Variants in CLXN observed in about 807,000 individuals in gnomAD.
The protein encoded by CLXN is calaxin.
the CLXN span, among the ~76,000 whole-genome samples, chr8:48,723,249 A>G: frequency 2.0e-5 from 3 of 152,204 alleles, no homozygotes; most frequent in African/African-American, 7.2e-5. Flanking sequence ...CAAGTTGTAT[A>G]CCTTAAATAT....
At chr8:48,719,954 G>A in the CLXN span, among the ~76,000 whole-genome samples, 2 of 152,044 alleles carry the variant, frequency 1.3e-5, no homozygotes, top group East Asian at 3.8e-4. Flanking sequence ...CGGGAAGTCA[G>A]GGACCCCGAA....
chr8:48,725,570 G>A, the CLXN span, among the ~76,000 whole-genome samples: 2 of 152,256 alleles, frequency 1.3e-5, no homozygotes, highest in African/African-American at 2.4e-5. Context: ...TTAGGAAGCC[G>A]AGGCAAGCTG....
the CLXN span, chr8:48,711,646 C>T: frequency 6.6e-6 from 1 of 152,156 alleles, no homozygotes; most frequent in Non-Finnish European, 1.5e-5. Flanking sequence ...ACATAGCAAC[C>T]CAGCCTGCAG....
the CLXN span, chr8:48,711,309 A>G: frequency 6.6e-6 from 1 of 151,936 alleles, no homozygotes; most frequent in Non-Finnish European, 1.5e-5. Flanking sequence ...CTAGTTGAGG[A>G]GTCTGGCTTC....
At chr8:48,734,852 C>T in the CLXN span, among the ~76,000 whole-genome samples, 1 of 152,168 alleles carries the variant, frequency 6.6e-6, no homozygotes, top group Non-Finnish European at 1.5e-5. Context: ...CAAGTAAATG[C>T]ATGTGTGGGA....
At chr8:48,712,792 A>T in the CLXN span, among the ~76,000 whole-genome samples, 28 of 152,104 alleles carry the variant, frequency 1.8e-4, no homozygotes, top group African/African-American at 6.8e-4. Context: ...CAAGGTCAGG[A>T]GTTTGAGACC....
At chr8:48,716,799 G>A in the CLXN span, among the ~76,000 whole-genome samples, 4 of 151,942 alleles carry the variant, frequency 2.6e-5, no homozygotes, top group Admixed American at 6.6e-5. Context: ...AAAGAATGAC[G>A]AAATCCTACA....
At chr8:48,735,304 A>T in the CLXN span, 4 of 827,682 alleles carry the variant, frequency 4.8e-6, no homozygotes, top group Non-Finnish European at 7.6e-6. Context: ...GGTGTAGCCA[A>T]GGCAACGGCT....
chr8:48,712,690 A>G, the CLXN span, among the ~76,000 whole-genome samples: 1 of 152,042 alleles, frequency 6.6e-6, no homozygotes, highest in Non-Finnish European at 1.5e-5. Context: ...TCCTGTTTTT[A>G]TTACTTTCCC....
chr8:48,726,866 T>TATCA, the CLXN span, among the ~76,000 whole-genome samples: 99 of 97,580 alleles, frequency 1.0e-3, no homozygotes, highest in Non-Finnish European at 1.1e-3. Context: ...TCCATGCATC[T>TATCA]ATCAATCTAT....
At chr8:48,720,781 C>A in the CLXN span, among the ~76,000 whole-genome samples, 1 of 152,132 alleles carries the variant, frequency 6.6e-6, no homozygotes. Flanking sequence ...TTTTGAAACC[C>A]TTAATAAAAA....
chr8:48,731,932 T>C, the CLXN span, among the ~76,000 whole-genome samples: 1 of 152,184 alleles, frequency 6.6e-6, no homozygotes. Flanking sequence ...GTAACAATTT[T>C]CATTTCAGTT....
chr8:48,730,591 T>A, the CLXN span: 1 of 1,612,044 alleles, frequency 6.2e-7, no homozygotes, highest in Non-Finnish European at 8.5e-7. Context: ...AATCCATGAA[T>A]CCACTCCAAT....
chr8:48,719,151 A>G, the CLXN span, among the ~76,000 whole-genome samples: 1 of 152,106 alleles, frequency 6.6e-6, no homozygotes, highest in Non-Finnish European at 1.5e-5. Flanking sequence ...AAAAATTACT[A>G]TGCCCAAATT....
chr8:48,719,715 C>T, the CLXN span, among the ~76,000 whole-genome samples: 1 of 152,264 alleles, frequency 6.6e-6, no homozygotes, highest in Admixed American at 6.5e-5. Context: ...CAAAGTTCAC[C>T]AACCATTCAT....
chr8:48,733,705 G>C, the CLXN span, among the ~76,000 whole-genome samples: 10,582 of 152,076 alleles, frequency 0.07, 460 homozygotes, highest in Middle Eastern at 0.11. Flanking sequence ...AAAAAATCAA[G>C]AGCAGACTTT....
At chr8:48,719,278 G>C in the CLXN span, among the ~76,000 whole-genome samples, 5 of 152,084 alleles carry the variant, frequency 3.3e-5, no homozygotes, top group Non-Finnish European at 7.4e-5. Flanking sequence ...TCAGTAATCA[G>C]AAAGTTCCTA....
At chr8:48,712,954 C>T in the CLXN span, among the ~76,000 whole-genome samples, 5 of 147,338 alleles carry the variant, frequency 3.4e-5, no homozygotes, top group Non-Finnish European at 7.4e-5. Context: ...GAGCCAAGAC[C>T]GTGCCAGCTT....
the CLXN span, among the ~76,000 whole-genome samples, chr8:48,726,484 T>TCCATCCATC: frequency 1.9e-5 from 2 of 105,220 alleles, no homozygotes; most frequent in African/African-American, 7.8e-5. Flanking sequence ...ATCCATCCAT[T>TCCATCCATC]CATCCATCCA....
Sources: gnomAD v4.1 joint callset for allele counts (sites outside exome capture counted in the v4.1 genomes callset) on GRCh38, gnomAD v4.1.1 for gene constraint, MANE v1.5 for transcripts, NCBI Gene and HGNC (gene_info 2026-07-23, HGNC 2026-07-21) for gene names.